PLSCR4: variants seen among roughly 807,000 people sequenced by gnomAD.
The protein encoded by PLSCR4 is Ca(2+)-dependent phospholipid scramblase 4.
Under a neutral mutation model 36.3 loss-of-function variants are expected in PLSCR4, and 25 were observed. The observed-to-expected ratio is 0.69, with a 90% CI of 0.50 to 0.96. The LOEUF (loss-of-function observed/expected upper bound fraction) is 0.96, where lower values mean the gene tolerates loss of function less well. PLSCR4 is among the 40% of genes least tolerant of loss of function. The pLI is 0.00. For synonymous variants in PLSCR4, 122 were observed against 132.9 expected, an observed-to-expected ratio of 0.92 and a Z score of 0.56; for missense variants, 408 against 414.7, an observed-to-expected ratio of 0.98 and a Z score of 0.14.
At chr3:146,241,085 CA>C (rs2036131783) in intron 1 of PLSCR4, among the ~76,000 whole-genome samples, 1 of 151,916 alleles carries the variant, frequency 6.6e-6, no homozygotes, top group Admixed American at 6.6e-5. Flanking sequence ...AGTCAGTCAC[CA>C]AAAAAACCAT....
chr3:146,239,510 A>C (rs1030076344), intron 1 of PLSCR4, among the ~76,000 whole-genome samples: 2 of 100,976 alleles, frequency 2.0e-5, no homozygotes, highest in African/African-American at 3.3e-5. Context: ...ACAATTGTAC[A>C]TCCACATACA....
intron 3 of PLSCR4, among the ~76,000 whole-genome samples, chr3:146,210,153 AT>A (rs746622143): frequency 6.6e-6 from 1 of 152,048 alleles, no homozygotes; most frequent in African/African-American, 2.4e-5. Flanking sequence ...GCTAATATAA[AT>A]TGTTTTTGTG....
intron 1 of PLSCR4, among the ~76,000 whole-genome samples, chr3:146,238,532 G>C (rs1212754919): frequency 2.6e-5 from 4 of 151,714 alleles, no homozygotes; most frequent in Non-Finnish European, 5.9e-5. Flanking sequence ...ATAAAATAAA[G>C]GACAAAAACT....
intron 1 of PLSCR4, among the ~76,000 whole-genome samples, chr3:146,235,843 C>G (rs2035892051): frequency 6.6e-6 from 1 of 152,088 alleles, no homozygotes; most frequent in Non-Finnish European, 1.5e-5. Context: ...TACTTCTGTT[C>G]CTTAACAAAG....
chr3:146,236,801 C>G (rs2035937573), intron 1 of PLSCR4, among the ~76,000 whole-genome samples: 1 of 151,844 alleles, frequency 6.6e-6, no homozygotes, highest in South Asian at 2.1e-4. Context: ...TACATGCTCT[C>G]TAAAAGAAAC....
intron 4 of PLSCR4, among the ~76,000 whole-genome samples, chr3:146,204,948 G>C (rs1334303607): frequency 6.6e-6 from 1 of 151,846 alleles, no homozygotes; most frequent in East Asian, 1.9e-4. Context: ...TTTGGCTTTT[G>C]TAAAATCCAA....
chr3:146,213,537 G>A (rs1042387433), intron 3 of PLSCR4, among the ~76,000 whole-genome samples: 5 of 151,992 alleles, frequency 3.3e-5, no homozygotes, highest in African/African-American at 9.7e-5. Context: ...TGGTCAGGCT[G>A]GTCTCAAATT....
chr3:146,194,965 T>G (rs1274965570), intron 8 of PLSCR4, among the ~76,000 whole-genome samples, 159 bp downstream of exon 8: 1 of 152,162 alleles, frequency 6.6e-6, no homozygotes, highest in East Asian at 1.9e-4. Context: ...ATGAGGAAAC[T>G]GAGGCTTTCA....
chr3:146,212,637 A>C (rs1401389396), intron 3 of PLSCR4, among the ~76,000 whole-genome samples: 1 of 151,652 alleles, frequency 6.6e-6, no homozygotes, highest in Non-Finnish European at 1.5e-5. Context: ...CTTTTTACAT[A>C]TATAGGCTCA....
intron 7 of PLSCR4, chr3:146,196,327 A>G (rs554930296): frequency 2.7e-5 from 7 of 263,362 alleles, no homozygotes; most frequent in Non-Finnish European, 5.1e-5. Context: ...ATGGTTAATT[A>G]CATATAGCCA....
chr3:146,236,575 T>C (rs2035928580), intron 1 of PLSCR4, among the ~76,000 whole-genome samples: 1 of 152,134 alleles, frequency 6.6e-6, no homozygotes, highest in African/African-American at 2.4e-5. Context: ...TGAGATTTGA[T>C]GGTTTCATAA....
At chr3:146,235,905 G>C (rs9826591) in intron 1 of PLSCR4, among the ~76,000 whole-genome samples, 1 of 151,990 alleles carries the variant, frequency 6.6e-6, no homozygotes, top group African/African-American at 2.4e-5. Flanking sequence ...CTTTGAACTC[G>C]GGAATGATGA....
intron 1 of PLSCR4, among the ~76,000 whole-genome samples, chr3:146,243,158 C>A (rs530378947): frequency 5.3e-5 from 8 of 152,282 alleles, no homozygotes; most frequent in African/African-American, 1.7e-4. Flanking sequence ...CATCCTGCTT[C>A]TTCCATGGGG....
chr3:146,231,001 T>TTTTTTTTTTTTTTTTTTGAGACGG (rs1309172017), intron 1 of PLSCR4, among the ~76,000 whole-genome samples: 1 of 152,102 alleles, frequency 6.6e-6, no homozygotes, highest in African/African-American at 2.4e-5. Context: ...GGTAGTTTTT[T>TTTTTTTTTTTTTTTTTTGAGACGG]AACCCTTACC....
intron 1 of PLSCR4, among the ~76,000 whole-genome samples, chr3:146,229,656 G>A (rs1317958794): frequency 1.4e-5 from 2 of 145,278 alleles, no homozygotes; most frequent in African/African-American, 2.6e-5. Flanking sequence ...ATGGAGTCTC[G>A]CTCTGTCACC....
intron 1 of PLSCR4, among the ~76,000 whole-genome samples, chr3:146,242,611 A>G (rs546182379): frequency 6.6e-6 from 1 of 152,316 alleles, no homozygotes; most frequent in South Asian, 2.1e-4. Flanking sequence ...AAAGGTTAAT[A>G]AAAGACATAG....
chr3:146,241,579 G>C (rs1026670943), intron 1 of PLSCR4, among the ~76,000 whole-genome samples: 4 of 151,930 alleles, frequency 2.6e-5, no homozygotes, highest in Non-Finnish European at 5.9e-5. Context: ...TACAGTTGAG[G>C]ACTTTTACAC....
chr3:146,205,208 A>G (rs1331172448), intron 4 of PLSCR4, among the ~76,000 whole-genome samples: 3 of 152,056 alleles, frequency 2.0e-5, no homozygotes, highest in African/African-American at 4.8e-5. Flanking sequence ...AGAAGGTTCT[A>G]TGGAATCTCC....
At chr3:146,241,613 A>G (rs1466646332) in intron 1 of PLSCR4, among the ~76,000 whole-genome samples, 1 of 152,162 alleles carries the variant, frequency 6.6e-6, no homozygotes, top group Non-Finnish European at 1.5e-5. Context: ...ATCTACAAGA[A>G]CAAGCAGAGG....
Sources: allele counts gnomAD v4.1 joint callset (sites outside exome capture counted in the v4.1 genomes callset), GRCh38; gene constraint gnomAD v4.1.1; transcripts MANE v1.5; gene names NCBI Gene and HGNC (gene_info 2026-07-23, HGNC 2026-07-21).